The following NLN variants were observed in gnomAD, a reference collection of about 807,000 sequenced individuals.
NLN encodes the protein neurolysin.
Under a neutral mutation model 79.9 loss-of-function variants are expected in NLN, and 64 were observed. That is an observed-to-expected ratio of 0.80 (90% CI 0.65 to 0.99). NLN has a LOEUF of 0.99. NLN is among the 50% of genes least tolerant of loss of function. The probability of loss-of-function intolerance (pLI) is 0.00; values close to 1 mark genes in which losing one functional copy is unlikely to be tolerated. For missense variants in NLN, 835 were observed against 858.7 expected (o/e 0.97, Z 0.34); for synonymous variants, 267 against 296.6 (o/e 0.90, Z 1.02).
intron 9 of NLN, chr5:65,793,268 G>A (rs1385368819): frequency 1.2e-5 from 2 of 166,878 alleles, no homozygotes; most frequent in East Asian, 3.5e-4. Context: ...GACTATTCTA[G>A]CATGAACCAT....
chr5:65,751,640 TTAAAC>T (rs1317036164), intron 1 of NLN, among the ~76,000 whole-genome samples: 1 of 152,204 alleles, frequency 6.6e-6, no homozygotes, highest in African/African-American at 2.4e-5. Context: ...GTAGAGGACT[TTAAAC>T]TATGCTTCAA....
In NLN at chr5:65,826,306, C is replaced by T. The variant is rs2086043944; in HGVS notation, c.*3391C>T. 6.6e-6 allele frequency: 1 copy of T among 152,162 alleles called. No homozygotes were observed. The highest frequency in any genetic ancestry group is 2.4e-5 in the African/African-American group (1 of 41,424). 9.4% of individuals were successfully genotyped at this position (152,162 alleles called of 1,614,324 possible). ...TTCCTTCCTCATGACTTTATCTAAA[C>T]CCAGTCACCCCCAACAAAGGCCCCA... On this transcript the variant is annotated 3_prime_UTR_variant, in exon 13 of 13. Coordinates refer to ENST00000380985, the MANE Select transcript of NLN (RefSeq NM_020726.5).
chr5:65,741,740 A>G (rs986348006), intron 1 of NLN, among the ~76,000 whole-genome samples: 1 of 152,222 alleles, frequency 6.6e-6, no homozygotes, highest in Non-Finnish European at 1.5e-5. Context: ...TTAGTAATGA[A>G]TCAAGGAACA....
chr5:65,750,175 G>A lies in NLN; in HGVS notation c.42-8392G>A, dbSNP rs530144746. ...TGGGATCATCCAGTCAGTGCTGTCC[G>A]TTCGAACTTTCTGCAGTGGCGAAAA... On this transcript the variant is annotated intron_variant, in intron 1 of 12. Coordinates refer to ENST00000380985, the MANE Select transcript of NLN (RefSeq NM_020726.5). Among the ~76,000 whole-genome samples, 46 of 152,350 alleles carry A rather than the reference G, an allele frequency of 3.0e-4. No homozygotes were observed. The South Asian group carries it at 8.1e-3, about 27-fold the overall frequency.
intron 1 of NLN, among the ~76,000 whole-genome samples, chr5:65,752,740 A>C (rs1270036708): frequency 1.3e-5 from 2 of 152,252 alleles, no homozygotes; most frequent in Non-Finnish European, 2.9e-5. Flanking sequence ...AAGCAGAGAT[A>C]ATGCAGAAAG....
Position 65,823,488 on chromosome 5 carries a change from T to A in NLN, c.*573T>A, listed in dbSNP as rs543071554. The A allele has an allele frequency of 1.3e-5, 2 of 152,394 alleles. No individual in the cohort carries two copies. Among genetic ancestry groups the A allele is most frequent in the East Asian group, 3.9e-4 (2 of 5,190 alleles). The allele number at this position is 152,394 out of a possible 1,614,324, so 9.4% of individuals were successfully genotyped here. A position where few individuals can be genotyped will look rare whatever the true frequency, so the allele number is the denominator to read the frequency against. ...TATCAGGCCGCATGATTCCCAACTT[T>A]CTGCCACACTTAAATTACGTTCCTC... On this transcript the variant is annotated 3_prime_UTR_variant, in exon 13 of 13. Coordinates refer to ENST00000380985, the MANE Select transcript of NLN (RefSeq NM_020726.5).
intron 9 of NLN, among the ~76,000 whole-genome samples, chr5:65,803,874 T>A (rs1760349037): frequency 1.3e-5 from 2 of 152,230 alleles, no homozygotes; most frequent in Admixed American, 6.5e-5. Flanking sequence ...CCAGCCACGC[T>A]TCCCCCACTG....
Position 65,722,255 on chromosome 5 carries a change from A to T in NLN, c.-119A>T. 2 of 673,716 alleles carry T rather than the reference A, an allele frequency of 3.0e-6. No individual in the cohort carries two copies. Among genetic ancestry groups the T allele is most frequent in the East Asian group, 3.5e-5 (1 of 28,440 alleles). 41.7% of individuals were successfully genotyped at this position (673,716 alleles called of 1,614,324 possible). A position where few individuals can be genotyped will look rare whatever the true frequency, so the allele number is the denominator to read the frequency against. On this transcript the variant is annotated 5_prime_UTR_variant, in exon 1 of 13. Transcript: ENST00000380985. ...GTGGGAGGGCGCTGGCCAGGCAGCCACTGTGGCCTCTGCGGCTAGGCCGGC... is the reference window on the plus strand; with the variant it reads ...GTGGGAGGGCGCTGGCCAGGCAGCCTCTGTGGCCTCTGCGGCTAGGCCGGC...
chr5:65,817,739 G>C (rs1760700013), intron 12 of NLN, among the ~76,000 whole-genome samples: 1 of 152,178 alleles, frequency 6.6e-6, no homozygotes, highest in Non-Finnish European at 1.5e-5. Context: ...AATGCCATAA[G>C]GAAGGAGCTA....
At chr5:65,779,893 A>G (rs541441932) in intron 4 of NLN, 3 of 249,764 alleles carry the variant, frequency 1.2e-5, no homozygotes, top group Middle Eastern at 1.3e-3. Flanking sequence ...AACTTACTCA[A>G]TTGATGGTGA....
At chr5:65,803,140 A>T (rs1054395521) in intron 9 of NLN, among the ~76,000 whole-genome samples, 2 of 152,166 alleles carry the variant, frequency 1.3e-5, no homozygotes, top group African/African-American at 4.8e-5. Context: ...CAAAAGCACC[A>T]TAAGTTCCCA....
intron 1 of NLN, among the ~76,000 whole-genome samples, chr5:65,731,113 G>A: frequency 6.6e-6 from 1 of 152,212 alleles, no homozygotes; most frequent in Non-Finnish European, 1.5e-5. Context: ...GTTTGGTGAT[G>A]TAGGATGGCC....
intron 4 of NLN, 156 bp from the exon 5 acceptor site, chr5:65,780,023 A>T: frequency 2.0e-6 from 1 of 496,490 alleles, no homozygotes; most frequent in Non-Finnish European, 3.6e-6. Flanking sequence ...ACTGGCTTTC[A>T]CCATGTTAGC....
intron 12 of NLN, among the ~76,000 whole-genome samples, chr5:65,819,611 G>C (rs1392205982): frequency 6.6e-6 from 1 of 152,208 alleles, no homozygotes; most frequent in African/African-American, 2.4e-5. Context: ...GAAAGCTCTA[G>C]TTTTTACTGT....
At chr5:65,820,916 T>C (rs1283183241) in intron 12 of NLN, among the ~76,000 whole-genome samples, 2 of 147,354 alleles carry the variant, frequency 1.4e-5, no homozygotes, top group Non-Finnish European at 3.0e-5. Flanking sequence ...GGTGGTGTGC[T>C]CCTGTAATCT....
rs753797838 is a variant in NLN, at chr5:65,746,860, C to T, written c.42-11707C>T. Among the ~76,000 whole-genome samples, 12 of 152,028 alleles carry T rather than the reference C, an allele frequency of 7.9e-5. No homozygotes were observed. The East Asian group carries it at 1.2e-3, about 15-fold the overall frequency. ...TCTACTAAAAGTACAAAAAATTAGC[C>T]GGGCGTGGTGGTGGGCACCTGTAAT... On this transcript the variant is annotated intron_variant, in intron 1 of 12. Transcript: ENST00000380985.
intron 3 of NLN, among the ~76,000 whole-genome samples, chr5:65,773,617 G>A (rs1363934661): frequency 1.3e-5 from 2 of 152,066 alleles, no homozygotes; most frequent in African/African-American, 4.8e-5. Flanking sequence ...GTCATGAGAC[G>A]GAAGGTGGGG....
At chr5:65,793,642 A>T (rs1463672027) in intron 9 of NLN, 3 of 152,060 alleles carry the variant, frequency 2.0e-5, no homozygotes, top group Non-Finnish European at 4.4e-5. Flanking sequence ...AAAAAAAAAA[A>T]AAGAAAACCA....
chr5:65,788,117 G>GTA lies in NLN; in HGVS notation c.959-1_959insTA (p.Asp320ValfsTer4). The GTA allele has an allele frequency of 6.2e-7, 1 of 1,609,830 alleles. No individual in the cohort carries two copies. The highest frequency in any genetic ancestry group is 8.5e-7 in the Non-Finnish European group (1 of 1,178,460). On this transcript the variant is annotated frameshift_variant and splice_region_variant. Coordinates refer to ENST00000380985, the MANE Select transcript of NLN (RefSeq NM_020726.5). LOFTEE classifies it high-confidence loss of function. ...TCACTAACTTTTCCTTTTCCTTACA[G>GTA]ATGATTTAAGCCAGAAGTTAAAACC...
Sources: allele counts gnomAD v4.1 joint callset (sites outside exome capture counted in the v4.1 genomes callset), GRCh38; gene constraint gnomAD v4.1.1; transcripts MANE v1.5; gene names NCBI Gene and HGNC (gene_info 2026-07-23, HGNC 2026-07-21).